Variants in TMTC1 observed in about 807,000 individuals in gnomAD.
TMTC1 encodes transmembrane O-mannosyltransferase targeting cadherins 1, also known as protein O-mannosyl-transferase TMTC1.
TMTC1 carries 73 observed loss-of-function variants against 104.8 expected under a neutral mutation model. The ratio of observed to expected loss-of-function variants is 0.70; its 90% confidence interval spans 0.58 to 0.85. The LOEUF is 0.85. Ranked by LOEUF, TMTC1 falls within the 40% of genes least tolerant of loss-of-function variation. The probability of loss-of-function intolerance (pLI) is 0.00; values close to 1 mark genes in which losing one functional copy is unlikely to be tolerated. For synonymous variants in TMTC1, 434 were observed against 428.7 expected (o/e 1.01, Z -0.15); for missense variants, 1,035 against 1,096.1 (o/e 0.94, Z 0.79).
intron 6 of TMTC1, among the ~76,000 whole-genome samples, chr12:29,605,989 C>T (rs935986532): frequency 6.6e-5 from 10 of 152,236 alleles, no homozygotes; most frequent in East Asian, 1.9e-4. Flanking sequence ...TGTGTTAATT[C>T]GCTCAGGATA....
In TMTC1 at chr12:29,502,846, A is replaced by G. The variant is rs1463765418; in HGVS notation, c.*4000T>C. The stretch of plus-strand genomic sequence containing the variant: ...TCACCAGGACAGCCAGGATGATTCA[A>G]CCGAAGATTCCGAAAGGTCCTCAGG... On this transcript the variant is annotated 3_prime_UTR_variant, in exon 18 of 18. Transcript: ENST00000539277. 1.3e-5 allele frequency: 2 copies of G among 152,218 alleles called. No homozygotes were observed. The highest frequency in any genetic ancestry group is 2.9e-5 in the Non-Finnish European group (2 of 68,042). 9.4% of individuals were successfully genotyped at this position (152,218 alleles called of 1,614,324 possible). A position where few individuals can be genotyped will look rare whatever the true frequency, so the allele number is the denominator to read the frequency against.
At chr12:29,707,240 C>T (rs1175501073) in intron 5 of TMTC1, among the ~76,000 whole-genome samples, 1 of 152,174 alleles carries the variant, frequency 6.6e-6, no homozygotes, top group African/African-American at 2.4e-5. Flanking sequence ...GCCCCCACTA[C>T]TACCATGTTG....
chr12:29,562,160 T>C (rs1177375987), intron 9 of TMTC1, among the ~76,000 whole-genome samples: 1 of 152,206 alleles, frequency 6.6e-6, no homozygotes, highest in East Asian at 1.9e-4. Flanking sequence ...GCTTGTTTAA[T>C]TGTTTGAAAT....
rs1421370087 is a variant in TMTC1 at position 29,629,175 on chromosome 12, G to A, written c.1128+3972C>T. Among the ~76,000 whole-genome samples the A allele has an allele frequency of 2.0e-5, 3 of 151,984 alleles. No individual in the cohort carries two copies. The East Asian group carries it at 5.9e-4, about 30-fold the overall frequency. Reference sequence around the variant, plus strand: ...TCTACTAAAAAAATACAAAAAATTAGCCGGGCGTGGTGGCGGGCGCCTGTA... The same window carrying A: ...TCTACTAAAAAAATACAAAAAATTAACCGGGCGTGGTGGCGGGCGCCTGTA... On this transcript the variant is annotated intron_variant, in intron 6 of 17. Transcript: ENST00000539277.
At chr12:29,571,676 G>T (rs866399178) in intron 9 of TMTC1, among the ~76,000 whole-genome samples, 3 of 150,780 alleles carry the variant, frequency 2.0e-5, no homozygotes, top group Middle Eastern at 3.4e-3. Flanking sequence ...CAACTTTCAG[G>T]GCATTTAATT....
chr12:29,568,963 A>C (rs1178940263), intron 9 of TMTC1: 2 of 456,060 alleles, frequency 4.4e-6, no homozygotes, highest in South Asian at 3.1e-5. Context: ...TCCAGCATAG[A>C]TAATCCCAAG....
intron 11 of TMTC1, among the ~76,000 whole-genome samples, chr12:29,526,802 T>A (rs1944359995): frequency 6.6e-6 from 1 of 152,200 alleles, no homozygotes; most frequent in South Asian, 2.1e-4. Context: ...AGTTGTTTTT[T>A]TTCTCCTGTG....
chr12:29,546,945 A>G (rs1009019766), intron 10 of TMTC1, among the ~76,000 whole-genome samples: 1 of 152,122 alleles, frequency 6.6e-6, no homozygotes. Context: ...TCCAAAAATT[A>G]TTCCTTTTTC....
At position 29,632,720 on chromosome 12, in the gene TMTC1, C is replaced by T. The variant is rs141542601; in HGVS notation, c.1128+427G>A. On this transcript the variant is annotated intron_variant, in intron 6 of 17. Transcript: ENST00000539277. ...TGGTCTTTGGTCATTTTTGAAATAG[C>T]TGTTTTTAGTAATTTTGTACAGTTT... 1.5e-3 allele frequency among the ~76,000 whole-genome samples: 224 copies of T among 152,260 alleles called. 3 individuals are homozygous for T. The highest frequency in any genetic ancestry group is 6.4e-3 in the South Asian group (31 of 4,820).
chr12:29,544,750 G>A (rs755618607), intron 10 of TMTC1, among the ~76,000 whole-genome samples: 10 of 152,190 alleles, frequency 6.6e-5, no homozygotes, highest in Admixed American at 2.0e-4. Context: ...CCCAGGTAGG[G>A]ACCTAAAAGG....
At chr12:29,563,919 G>A (rs1945442664) in intron 9 of TMTC1, among the ~76,000 whole-genome samples, 1 of 152,114 alleles carries the variant, frequency 6.6e-6, no homozygotes. Context: ...GAGCTGACAG[G>A]AGCATACAGG....
At chr12:29,561,200 A>G (rs1945368843) in intron 9 of TMTC1, among the ~76,000 whole-genome samples, 1 of 152,064 alleles carries the variant, frequency 6.6e-6, no homozygotes, top group Admixed American at 6.5e-5. Context: ...AAAAAAAAAA[A>G]AGACATCTCA....
intron 16 of TMTC1, 85 bp from the exon 17 acceptor site, chr12:29,512,205 A>G: frequency 8.9e-7 from 1 of 1,119,320 alleles, no homozygotes; most frequent in Admixed American, 2.3e-5. Flanking sequence ...ACGTGTGAAA[A>G]TTTAAAGTAG....
chr12:29,537,643 A>G (rs767955544), intron 10 of TMTC1, among the ~76,000 whole-genome samples: 1 of 152,128 alleles, frequency 6.6e-6, no homozygotes, highest in Non-Finnish European at 1.5e-5. Context: ...CTGATCCTTC[A>G]GTTTCAAAAG....
intron 17 of TMTC1, among the ~76,000 whole-genome samples, chr12:29,510,646 T>A (rs1008730935): frequency 4.6e-5 from 7 of 152,282 alleles, no homozygotes; most frequent in East Asian, 3.9e-4. Context: ...ATCTTTTTTG[T>A]GTGTGTTTCC....
At chr12:29,537,193 T>A (rs192233928) in intron 10 of TMTC1, among the ~76,000 whole-genome samples, 10 of 152,184 alleles carry the variant, frequency 6.6e-5, no homozygotes, top group African/African-American at 2.4e-4. Context: ...AAAAAGAGAA[T>A]CCTTTGCACT....
intron 5 of TMTC1, among the ~76,000 whole-genome samples, chr12:29,691,145 G>A (rs115799882): frequency 5.9e-4 from 90 of 152,302 alleles, no homozygotes; most frequent in African/African-American, 2.0e-3. Flanking sequence ...AGCCTTTGCT[G>A]CAAGAGTCTG....
At chr12:29,524,031 T>C (rs1944264085) in intron 11 of TMTC1, among the ~76,000 whole-genome samples, 1 of 152,186 alleles carries the variant, frequency 6.6e-6, no homozygotes, top group Admixed American at 6.5e-5. Context: ...ACCATTATTT[T>C]AGGGTTTTGG....
At chr12:29,773,756 T>C (rs543819066) in intron 1 of TMTC1, among the ~76,000 whole-genome samples, 2 of 152,326 alleles carry the variant, frequency 1.3e-5, no homozygotes, top group Non-Finnish European at 2.9e-5. Context: ...ATTATCACTG[T>C]GTCCCAGAGG....
Sources: allele counts gnomAD v4.1 joint callset (sites outside exome capture counted in the v4.1 genomes callset), GRCh38; gene constraint gnomAD v4.1.1; transcripts MANE v1.5; gene names NCBI Gene and HGNC (gene_info 2026-07-23, HGNC 2026-07-21).